Variants in CPE observed in about 807,000 individuals in gnomAD.
CPE encodes the protein carboxypeptidase E, also known as carbocypeptidase E.
Under a neutral mutation model 53.5 loss-of-function variants are expected in CPE, and 17 were observed. That is an observed-to-expected ratio of 0.32 (90% CI 0.22 to 0.48). CPE has a LOEUF of 0.48. Among genes scored for constraint, CPE ranks in the 20% least tolerant of loss-of-function variants. The probability of loss-of-function intolerance (pLI) is 0.99; values close to 1 mark genes in which losing one functional copy is unlikely to be tolerated. For missense variants in CPE, 524 were observed against 614.7 expected, an observed-to-expected ratio of 0.85 and a Z score of 1.56; for synonymous variants, 226 against 228.8, an observed-to-expected ratio of 0.99 and a Z score of 0.11.
chr4:165,484,164 T>G (rs987701237), intron 4 of CPE, among the ~76,000 whole-genome samples: 2 of 152,190 alleles, frequency 1.3e-5, no homozygotes, highest in Non-Finnish European at 2.9e-5. Flanking sequence ...CTTTATTACC[T>G]TTCCCTGCAA....
At chr4:165,412,003 C>G (rs1297967004) in intron 1 of CPE, among the ~76,000 whole-genome samples, 1 of 152,114 alleles carries the variant, frequency 6.6e-6, no homozygotes, top group Non-Finnish European at 1.5e-5. Context: ...TCATTGGTAA[C>G]TATTTTGGTC....
At chr4:165,481,929 G>A (rs927033470) in intron 3 of CPE, among the ~76,000 whole-genome samples, 1 of 152,138 alleles carries the variant, frequency 6.6e-6, no homozygotes, top group Non-Finnish European at 1.5e-5. Context: ...ATCAGACAGC[G>A]ATGTCCCAAA....
chr4:165,424,824 G>A (rs1446081929), intron 1 of CPE, among the ~76,000 whole-genome samples: 2 of 151,690 alleles, frequency 1.3e-5, no homozygotes, highest in African/African-American at 2.4e-5. Flanking sequence ...GTGAGCCACC[G>A]CGCCCGGCCC....
rs1491161430 is a variant in CPE, at chr4:165,481,016, A to ATAT, written c.673-1225_673-1224insATT. On this transcript the variant is annotated intron_variant, in intron 3 of 8. Transcript: ENST00000402744. ...AATGGATATATATATATATATATAT[A>ATAT]TTTTTTTTTTTTTTTTTAGCAAAAA... Among the ~76,000 whole-genome samples the ATAT allele has an allele frequency of 2.8e-3, 312 of 110,976 alleles. 1 individual carries two copies. The highest frequency in any genetic ancestry group is 8.1e-3 in the South Asian group (25 of 3,100). The allele number at this position is 110,976 out of a possible 152,430, so 72.8% of individuals were successfully genotyped here.
At chr4:165,424,634 C>G (rs148417128) in intron 1 of CPE, among the ~76,000 whole-genome samples, 44,671 of 151,406 alleles carry the variant, frequency 0.3, 6,643 homozygotes, top group Middle Eastern at 0.39. Context: ...CCTGGGTTCA[C>G]GCCATTCTCC....
At chr4:165,496,945 CAG>C (rs1459900414) in intron 8 of CPE, among the ~76,000 whole-genome samples, 6 of 152,068 alleles carry the variant, frequency 3.9e-5, no homozygotes, top group African/African-American at 1.4e-4. Flanking sequence ...TTTTTTGAGA[CAG>C]AGTCTTGCTC....
At chr4:165,477,180 T>C (rs1579279437) in intron 3 of CPE, among the ~76,000 whole-genome samples, 1 of 130,226 alleles carries the variant, frequency 7.7e-6, no homozygotes, top group African/African-American at 3.0e-5. Flanking sequence ...ACTACCTTCT[T>C]CTCCAGCTGA....
rs1402865451 is a variant in CPE, at chr4:165,442,044, TTTG to T, written c.308-22343_308-22341del. 1.0e-3 allele frequency among the ~76,000 whole-genome samples: 104 copies of T among 103,054 alleles called. 9 individuals are homozygous for T. The highest frequency in any genetic ancestry group is 2.2e-3 in the African/African-American group (50 of 23,070). 67.6% of individuals were successfully genotyped at this position (103,054 alleles called of 152,430 possible). A position where few individuals can be genotyped will look rare whatever the true frequency, so the allele number is the denominator to read the frequency against. On this transcript the variant is annotated intron_variant, in intron 1 of 8. Transcript: ENST00000402744. ...GTTTGTTTTTTTTTTTTGTTTTTTT[TTTG>T]TTTTTTTTTTTTTGAGACAGGGTCT... is the stretch of plus-strand genomic sequence containing the variant.
chr4:165,408,232 C>T lies in CPE; in HGVS notation c.307+28704C>T, dbSNP rs74815763. Among the ~76,000 whole-genome samples the T allele has an allele frequency of 1.8e-3, 268 of 152,190 alleles. 8 individuals carry two copies. The East Asian group carries it at 0.05, about 28-fold the overall frequency. On this transcript the variant is annotated intron_variant, in intron 1 of 8. Coordinates refer to ENST00000402744, the MANE Select transcript of CPE (RefSeq NM_001873.4). Reference sequence around the variant, plus strand: ...TTGCGTCATATCTAAAAAACCATTGCGTAATCTAAGGTCACAAAGATTTAC... The same window carrying T: ...TTGCGTCATATCTAAAAAACCATTGTGTAATCTAAGGTCACAAAGATTTAC...
At chr4:165,472,003 G>C (rs1732215794) in intron 3 of CPE, among the ~76,000 whole-genome samples, 1 of 152,180 alleles carries the variant, frequency 6.6e-6, no homozygotes, top group African/African-American at 2.4e-5. Flanking sequence ...CCAAATTCTG[G>C]AGAAATCAGG....
chr4:165,455,949 G>A (rs1731894719), intron 1 of CPE, among the ~76,000 whole-genome samples: 1 of 152,058 alleles, frequency 6.6e-6, no homozygotes, highest in Non-Finnish European at 1.5e-5. Flanking sequence ...CACCATGCCT[G>A]GCCACAAGTC....
chr4:165,484,475 G>A lies in CPE; in HGVS notation c.844G>A (p.Ala282Thr). 6.2e-7 allele frequency: 1 copy of A among 1,614,002 alleles called. No homozygotes were observed. The highest frequency in any genetic ancestry group is 1.3e-5 in the African/African-American group (1 of 74,980). Residue 282 changes from alanine (A) to threonine (T), a missense_variant, in exon 5 of 9, where the codon GCC becomes ACC. Physicochemically the swap from Ala to Thr is moderately conservative, Grantham distance 58 (BLOSUM62 0). Coordinates refer to ENST00000402744, the MANE Select transcript of CPE (RefSeq NM_001873.4). ...AGATGACGCCATTTTCCAAAGCTTG[G>A]CCCGGGCATACTCTTCTTTCAACCC... Reference protein sequence around the residue: ...SPDDAIFQSLARAYSSFNPAM... With the variant: ...SPDDAIFQSLTRAYSSFNPAM...
At chr4:165,423,948 C>T (rs1268327597) in intron 1 of CPE, among the ~76,000 whole-genome samples, 2 of 151,842 alleles carry the variant, frequency 1.3e-5, no homozygotes, top group Non-Finnish European at 2.9e-5. Flanking sequence ...CCAATTTCAT[C>T]CATGTCCCTA....
chr4:165,382,156 A>T (rs570820582), intron 1 of CPE, among the ~76,000 whole-genome samples: 1 of 144,028 alleles, frequency 6.9e-6, no homozygotes, highest in African/African-American at 2.7e-5. Context: ...GACAAAAGAC[A>T]GTAGGTCAGC....
At chr4:165,488,526 T>G (rs1194041238) in intron 6 of CPE, among the ~76,000 whole-genome samples, 1 of 152,182 alleles carries the variant, frequency 6.6e-6, no homozygotes, top group African/African-American at 2.4e-5. Context: ...AAGACTCTGT[T>G]CATTCCTGCA....
At chr4:165,384,635 C>T (rs1300900275) in intron 1 of CPE, among the ~76,000 whole-genome samples, 1 of 152,036 alleles carries the variant, frequency 6.6e-6, no homozygotes, top group African/African-American at 2.4e-5. Context: ...ATAACAACAA[C>T]AACAATAAAA....
At chr4:165,424,938 G>A (rs1462418056) in intron 1 of CPE, among the ~76,000 whole-genome samples, 2 of 148,714 alleles carry the variant, frequency 1.3e-5, no homozygotes, top group African/African-American at 2.5e-5. Flanking sequence ...GCAGTGATGC[G>A]ATCTTGGCTC....
chr4:165,409,491 C>A (rs1242489604), intron 1 of CPE, among the ~76,000 whole-genome samples: 1 of 152,194 alleles, frequency 6.6e-6, no homozygotes, highest in African/African-American at 2.4e-5. Context: ...GGCTGAGCCG[C>A]TGCACCCATT....
At chr4:165,385,068 T>G (rs1489633330) in intron 1 of CPE, among the ~76,000 whole-genome samples, 1 of 152,224 alleles carries the variant, frequency 6.6e-6, no homozygotes, top group Non-Finnish European at 1.5e-5. Context: ...TTCATGCTTT[T>G]TACTTTTGTT....
Sources: allele counts gnomAD v4.1 joint callset (sites outside exome capture counted in the v4.1 genomes callset), GRCh38; gene constraint gnomAD v4.1.1; transcripts MANE v1.5; gene names NCBI Gene and HGNC (gene_info 2026-07-23, HGNC 2026-07-21).